RAB27B: variants seen among roughly 807,000 people sequenced by gnomAD.
The protein encoded by RAB27B is ras-related protein Rab-27B.
Under a neutral mutation model 24.6 loss-of-function variants are expected in RAB27B, and 15 were observed. That is an observed-to-expected ratio of 0.61 (90% CI 0.41 to 0.94). The LOEUF is 0.94. Ranked by LOEUF, RAB27B falls within the 40% of genes least tolerant of loss-of-function variation. RAB27B has a pLI of 0.00. For missense variants in RAB27B, 261 were observed against 266.8 expected (o/e 0.98, Z 0.15); for synonymous variants, 105 against 92.5 (o/e 1.14, Z -0.78).
intron 1 of RAB27B, among the ~76,000 whole-genome samples, chr18:54,867,446 T>TCTTTTCTTTTCTTTTCTTTTCTTTTC (rs1555666341): frequency 2.2e-4 from 19 of 88,358 alleles, no homozygotes; most frequent in African/African-American, 6.1e-4. Context: ...TCTTTTCTTT[T>TCTTTTCTTTTCTTTTCTTTTCTTTTC]TTTTTTTTTT....
intron 2 of RAB27B, among the ~76,000 whole-genome samples, chr18:54,791,129 A>G (rs912208915): frequency 2.6e-5 from 4 of 152,206 alleles, no homozygotes; most frequent in African/African-American, 9.7e-5. Context: ...TTAGCATCCA[A>G]TATTTGTTTT....
At chr18:54,800,496 T>C (rs1909566300) in intron 2 of RAB27B, among the ~76,000 whole-genome samples, 1 of 152,256 alleles carries the variant, frequency 6.6e-6, no homozygotes, top group Non-Finnish European at 1.5e-5. Flanking sequence ...CTTTTTAGTA[T>C]AATTGATGAA....
intron 1 of RAB27B, among the ~76,000 whole-genome samples, chr18:54,858,369 G>A (rs565375916): frequency 2.1e-5 from 3 of 145,352 alleles, no homozygotes; most frequent in Admixed American, 7.4e-5. Context: ...GCTTCCAGCA[G>A]GAAAACTGTT....
chr18:54,782,804 G>A (rs1598900961), intron 2 of RAB27B, among the ~76,000 whole-genome samples: 1 of 152,244 alleles, frequency 6.6e-6, no homozygotes, highest in East Asian at 1.9e-4. Flanking sequence ...ATTTGTAACT[G>A]AAAATATACC....
chr18:54,839,808 T>C (rs995828946), intron 1 of RAB27B, among the ~76,000 whole-genome samples: 4 of 152,200 alleles, frequency 2.6e-5, no homozygotes, highest in Non-Finnish European at 4.4e-5. Context: ...TACACATGGA[T>C]CAGAAATGAA....
intron 2 of RAB27B, among the ~76,000 whole-genome samples, chr18:54,797,408 C>T (rs1219108595): frequency 1.3e-5 from 2 of 152,094 alleles, no homozygotes; most frequent in African/African-American, 4.8e-5. Context: ...TGCCTGTAGT[C>T]CCAGCTACTC....
chr18:54,762,679 G>T (rs1003025088), intron 2 of RAB27B, among the ~76,000 whole-genome samples: 3 of 152,062 alleles, frequency 2.0e-5, no homozygotes, highest in African/African-American at 7.2e-5. Flanking sequence ...ACTTGTCTCT[G>T]AGGTCTTCCC....
At chr18:54,791,153 T>C (rs1037064860) in intron 2 of RAB27B, among the ~76,000 whole-genome samples, 1 of 151,992 alleles carries the variant, frequency 6.6e-6, no homozygotes, top group African/African-American at 2.4e-5. Context: ...TTTTAATCCC[T>C]CTCATTACTT....
intron 2 of RAB27B, among the ~76,000 whole-genome samples, chr18:54,753,847 C>T (rs1907913399): frequency 6.6e-6 from 1 of 151,966 alleles, no homozygotes; most frequent in South Asian, 2.1e-4. Flanking sequence ...AGTTAATTTC[C>T]AGCCCACCGG....
intron 3 of RAB27B, among the ~76,000 whole-genome samples, chr18:54,881,629 G>C (rs964707710): frequency 6.6e-6 from 1 of 152,048 alleles, no homozygotes; most frequent in Non-Finnish European, 1.5e-5. Flanking sequence ...TAACTCTTTG[G>C]AACATGGTTT....
intron 3 of RAB27B, 130 bp downstream of exon 3, chr18:54,879,584 A>C: frequency 5.4e-6 from 4 of 742,258 alleles, no homozygotes; most frequent in Non-Finnish European, 9.2e-6. Flanking sequence ...AGACATTTGT[A>C]TCCAGAAATA....
intron 4 of RAB27B, among the ~76,000 whole-genome samples, chr18:54,886,725 C>G (rs1165512694): frequency 6.6e-6 from 1 of 151,984 alleles, no homozygotes; most frequent in African/African-American, 2.4e-5. Context: ...GAGAGTCTCC[C>G]TTGTTTTTAA....
At chr18:54,755,172 C>A (rs1907962286) in intron 2 of RAB27B, among the ~76,000 whole-genome samples, 1 of 152,038 alleles carries the variant, frequency 6.6e-6, no homozygotes, top group Non-Finnish European at 1.5e-5. Context: ...GGCGGATCAC[C>A]CGAGGTCAGG....
At chr18:54,878,495 G>A (rs989434031) in intron 2 of RAB27B, among the ~76,000 whole-genome samples, 11 of 152,142 alleles carry the variant, frequency 7.2e-5, no homozygotes, top group African/African-American at 2.4e-4. Context: ...ATGGTAACTG[G>A]AAGCCATTGC....
intron 1 of RAB27B, among the ~76,000 whole-genome samples, chr18:54,847,860 A>G (rs1389172399): frequency 6.6e-6 from 1 of 152,234 alleles, no homozygotes; most frequent in Non-Finnish European, 1.5e-5. Flanking sequence ...AGAAAGAAAA[A>G]AAAAACTTCA....
chr18:54,732,297 T>A (rs1909755531), intron 2 of RAB27B, among the ~76,000 whole-genome samples: 1 of 152,232 alleles, frequency 6.6e-6, no homozygotes, highest in African/African-American at 2.4e-5. Flanking sequence ...TGAGTTCTTT[T>A]CAGAATGTTC....
chr18:54,801,831 G>C (rs1394420368), intron 2 of RAB27B, among the ~76,000 whole-genome samples: 1 of 152,158 alleles, frequency 6.6e-6, no homozygotes, highest in African/African-American at 2.4e-5. Context: ...TGGATGATAT[G>C]GGCTCTGTCA....
intron 2 of RAB27B, among the ~76,000 whole-genome samples, chr18:54,756,913 T>G (rs1240233133): frequency 6.6e-6 from 1 of 152,182 alleles, no homozygotes. Context: ...TAGTTAAAAA[T>G]GTATAGGGTA....
chr18:54,802,082 C>T (rs577094032), intron 2 of RAB27B, among the ~76,000 whole-genome samples: 83 of 152,276 alleles, frequency 5.5e-4, no homozygotes, highest in Admixed American at 2.9e-3. Flanking sequence ...ACAAAACCTT[C>T]ATTTTTGTTA....
Sources: gnomAD v4.1 joint callset for allele counts (sites outside exome capture counted in the v4.1 genomes callset) on GRCh38, gnomAD v4.1.1 for gene constraint, MANE v1.5 for transcripts, NCBI Gene and HGNC (gene_info 2026-07-23, HGNC 2026-07-21) for gene names.